The following GPC5 variants were observed in gnomAD, a reference collection of about 807,000 sequenced individuals.
GPC5 encodes glypican 5.
GPC5 carries 47 observed loss-of-function variants against 53.9 expected under a neutral mutation model. The observed-to-expected ratio is 0.87, with a 90% CI of 0.69 to 1.11. GPC5 has a LOEUF of 1.11. GPC5 is among the 50% of genes most tolerant of loss of function. The pLI is 0.00. For missense variants in GPC5, 748 were observed against 713.1 expected (o/e 1.05, Z -0.56); for synonymous variants, 286 against 263.3 (o/e 1.09, Z -0.84).
chr13:92,126,380 C>A (rs1292419130), intron 6 of GPC5, among the ~76,000 whole-genome samples: 3 of 152,186 alleles, frequency 2.0e-5, no homozygotes, highest in Non-Finnish European at 4.4e-5. Context: ...TTAGTGATAT[C>A]ACAGTACAAG....
At chr13:92,249,729 G>A (rs1410584627) in intron 7 of GPC5, among the ~76,000 whole-genome samples, 1 of 149,914 alleles carries the variant, frequency 6.7e-6, no homozygotes, top group Non-Finnish European at 1.5e-5. Flanking sequence ...ATGCAGAGCG[G>A]ACCAGGCAAT....
At chr13:92,528,962 G>T (rs979315719) in intron 7 of GPC5, among the ~76,000 whole-genome samples, 6 of 151,912 alleles carry the variant, frequency 3.9e-5, no homozygotes, top group African/African-American at 1.5e-4. Context: ...GTAAATTTTA[G>T]CTAAAGTAAG....
chr13:92,105,817 G>A (rs961701521), intron 6 of GPC5, among the ~76,000 whole-genome samples: 4 of 151,756 alleles, frequency 2.6e-5, no homozygotes, highest in African/African-American at 9.7e-5. Context: ...ATTATCTTTT[G>A]TACAAATATT....
rs1306633064 is a variant in GPC5, at chr13:91,820,962, C to CA, written c.1280+64552dup. On this transcript the variant is annotated intron_variant, in intron 5 of 7. Transcript: ENST00000377067. ...TGGGTGACAGAGCGAGACTCCGTCT[C>CA]AAAAAAAAAATAAACAAATAAAATA... 9.3e-3 allele frequency among the ~76,000 whole-genome samples: 1,140 copies of CA among 122,762 alleles called. 14 individuals carry two copies. Among genetic ancestry groups the CA allele is most frequent in the African/African-American group, 0.03 (990 of 32,558 alleles). 80.5% of individuals were successfully genotyped at this position (122,762 alleles called of 152,430 possible). A position where few individuals can be genotyped will look rare whatever the true frequency, so the allele number is the denominator to read the frequency against.
At chr13:92,439,659 G>T (rs1877467875) in intron 7 of GPC5, among the ~76,000 whole-genome samples, 1 of 152,026 alleles carries the variant, frequency 6.6e-6, no homozygotes, top group African/African-American at 2.4e-5. Context: ...TTAAAAATAG[G>T]AACATAAAAG....
intron 2 of GPC5, among the ~76,000 whole-genome samples, chr13:91,687,156 C>T (rs1183693857): frequency 6.6e-6 from 1 of 151,860 alleles, no homozygotes; most frequent in Non-Finnish European, 1.5e-5. Context: ...ATAATCATTG[C>T]TTTTAGAAGT....
chr13:91,574,941 A>T (rs145757497), intron 2 of GPC5, among the ~76,000 whole-genome samples: 45 of 152,294 alleles, frequency 3.0e-4, no homozygotes, highest in African/African-American at 1.1e-3. Context: ...GAATCATCCT[A>T]GAGTACTAGA....
chr13:92,255,500 T>C (rs1446812105), intron 7 of GPC5, among the ~76,000 whole-genome samples: 1 of 152,034 alleles, frequency 6.6e-6, no homozygotes, highest in Admixed American at 6.6e-5. Context: ...ACTTGAAAAA[T>C]AAAAGAGTAT....
intron 7 of GPC5, among the ~76,000 whole-genome samples, chr13:92,294,488 A>C (rs2043019810): frequency 1.3e-5 from 2 of 152,110 alleles, no homozygotes; most frequent in Non-Finnish European, 2.9e-5. Context: ...TATGCATGTA[A>C]ATGTGTTCAT....
rs56270581 is a variant in GPC5, at chr13:91,554,407, A to G, written c.325+105485A>G. Among the ~76,000 whole-genome samples the G allele has an allele frequency of 7.4e-3, 1,129 of 152,042 alleles. 12 individuals carry two copies. The highest frequency in any genetic ancestry group is 0.026 in the African/African-American group (1,066 of 41,506). The stretch of plus-strand genomic sequence containing the variant: ...CAGACACACACATACAGAGACACAG[A>G]CACAGCACCACAGACACACACACCA... On this transcript the variant is annotated intron_variant, in intron 2 of 7. Transcript: ENST00000377067.
At chr13:92,806,651 G>A (rs752718407) in intron 7 of GPC5, among the ~76,000 whole-genome samples, 17 of 152,014 alleles carry the variant, frequency 1.1e-4, no homozygotes, top group Non-Finnish European at 2.2e-4. Context: ...GTATTGTTGT[G>A]TCTCAGAAAA....
rs369137732 is a variant in GPC5, at chr13:91,871,951, A to C, written c.1281-35986A>C. Among the ~76,000 whole-genome samples, 8 of 152,260 alleles carry C rather than the reference A, an allele frequency of 5.3e-5. No individual in the cohort carries two copies. The East Asian group carries it at 1.5e-3, about 29-fold the overall frequency. ...AGAAAATAAAATACATAGGTCACCG[A>C]AGGCAAAATTGCGGTGGAAAGATGA... is the stretch of plus-strand genomic sequence containing the variant. On this transcript the variant is annotated intron_variant, in intron 5 of 7. Coordinates refer to ENST00000377067, the MANE Select transcript of GPC5 (RefSeq NM_004466.6).
chr13:91,863,806 C>T (rs2039056085), intron 5 of GPC5, among the ~76,000 whole-genome samples: 1 of 152,112 alleles, frequency 6.6e-6, no homozygotes, highest in Non-Finnish European at 1.5e-5. Flanking sequence ...CAAACCCAGC[C>T]TGGACTTCTC....
At chr13:92,716,093 C>G (rs1252001869) in intron 7 of GPC5, among the ~76,000 whole-genome samples, 1 of 152,076 alleles carries the variant, frequency 6.6e-6, no homozygotes. Flanking sequence ...TGTCTCTCAC[C>G]ACTGAGATCA....
At chr13:92,156,157 A>T (rs1338946707) in intron 7 of GPC5, among the ~76,000 whole-genome samples, 1 of 151,964 alleles carries the variant, frequency 6.6e-6, no homozygotes, top group Non-Finnish European at 1.5e-5. Context: ...GTGATTATTC[A>T]TATCTTCTCT....
chr13:92,754,518 A>G (rs1874761596), intron 7 of GPC5, among the ~76,000 whole-genome samples: 1 of 151,750 alleles, frequency 6.6e-6, no homozygotes, highest in South Asian at 2.1e-4. Context: ...TGCTCCAATT[A>G]AAAGACACAA....
At chr13:91,905,873 T>C (rs1441283763) in intron 5 of GPC5, among the ~76,000 whole-genome samples, 10 of 152,132 alleles carry the variant, frequency 6.6e-5, no homozygotes, top group African/African-American at 2.4e-4. Flanking sequence ...TGATAGTATT[T>C]GTTTTCATTT....
chr13:92,291,019 G>T (rs1365173131), intron 7 of GPC5, among the ~76,000 whole-genome samples: 2 of 152,180 alleles, frequency 1.3e-5, no homozygotes, highest in African/African-American at 4.8e-5. Context: ...GTAGTGAGGG[G>T]TTTAGCACCT....
At chr13:91,768,016 C>A (rs1179979656) in intron 5 of GPC5, among the ~76,000 whole-genome samples, 1 of 152,116 alleles carries the variant, frequency 6.6e-6, no homozygotes, top group Non-Finnish European at 1.5e-5. Context: ...AAAAGCTATT[C>A]CCTTTTCAGT....
Sources: allele counts gnomAD v4.1 joint callset (sites outside exome capture counted in the v4.1 genomes callset), GRCh38; gene constraint gnomAD v4.1.1; transcripts MANE v1.5; gene names NCBI Gene and HGNC (gene_info 2026-07-23, HGNC 2026-07-21).